The following EPHB2 variants were observed in gnomAD, a reference collection of about 807,000 sequenced individuals.
EPHB2 encodes EPH receptor B2.
A neutral mutation model predicts 96.4 loss-of-function variants in EPHB2; 18 were observed. That is an observed-to-expected ratio of 0.19 (90% confidence interval 0.13 to 0.28). EPHB2 has a LOEUF of 0.28. Among genes scored for constraint, EPHB2 ranks in the 10% least tolerant of loss-of-function variants. The probability of loss-of-function intolerance (pLI) is 1.00; values close to 1 mark genes in which losing one functional copy is unlikely to be tolerated. For missense variants in EPHB2, 989 were observed against 1,355.4 expected (o/e 0.73, Z 4.25); for synonymous variants, 506 against 534.1 (o/e 0.95, Z 0.72).
rs553677187 is a variant in EPHB2 at position 22,721,183 on chromosome 1, T to A, written c.61+10140T>A. Among the ~76,000 whole-genome samples the A allele has an allele frequency of 2.1e-4, 32 of 152,258 alleles. No homozygotes were observed. In the South Asian group the frequency reaches 6.6e-3, roughly 32 times the overall value. On this transcript the variant is annotated intron_variant, in intron 1 of 15. Coordinates refer to ENST00000374630, the MANE Select transcript of EPHB2 (RefSeq NM_017449.5). ...AGGCATGGGCCAGTTATTGTCAAAT[T>A]AAGTTTGGACCACAGGCTGGCCCCA...
At chr1:22,794,229 C>A (rs1170093306) in intron 3 of EPHB2, among the ~76,000 whole-genome samples, 2 of 152,138 alleles carry the variant, frequency 1.3e-5, no homozygotes, top group Admixed American at 1.3e-4. Context: ...AAAGAGGGGG[C>A]TGACCCTACT....
intron 1 of EPHB2, among the ~76,000 whole-genome samples, chr1:22,724,402 A>C (rs1399309488): frequency 6.6e-6 from 1 of 152,230 alleles, no homozygotes; most frequent in East Asian, 1.9e-4. Flanking sequence ...CCTGGCACAC[A>C]GTAGGACTTG....
At chr1:22,744,582 G>A (rs186097355) in intron 1 of EPHB2, among the ~76,000 whole-genome samples, 49 of 147,914 alleles carry the variant, frequency 3.3e-4, no homozygotes, top group Non-Finnish European at 6.1e-4. Flanking sequence ...GAGAGGCTCA[G>A]GCAGGAGGAT....
chr1:22,826,352 A>G (rs1218379668), intron 3 of EPHB2, among the ~76,000 whole-genome samples: 4 of 152,218 alleles, frequency 2.6e-5, no homozygotes, highest in African/African-American at 2.4e-5. Flanking sequence ...ACTTTCTGCA[A>G]CTGGGGTCTG....
chr1:22,803,258 A>G (rs977773277), intron 3 of EPHB2, among the ~76,000 whole-genome samples: 2 of 152,104 alleles, frequency 1.3e-5, no homozygotes, highest in Admixed American at 6.5e-5. Context: ...GTGAGGCTGC[A>G]CAGCTGCAGC....
chr1:22,793,723 C>T (rs1465889), intron 3 of EPHB2, among the ~76,000 whole-genome samples: 23,962 of 151,946 alleles, frequency 0.16, 2,643 homozygotes, highest in East Asian at 0.59. Flanking sequence ...ACCTGTGTGT[C>T]CCGCACTGTG....
At chr1:22,776,593 C>T (rs1391239015) in intron 1 of EPHB2, among the ~76,000 whole-genome samples, 1 of 152,198 alleles carries the variant, frequency 6.6e-6, no homozygotes, top group Non-Finnish European at 1.5e-5. Context: ...CCGTACTTTG[C>T]AGACAAACAT....
chr1:22,729,096 G>C (rs1290499234), intron 1 of EPHB2, among the ~76,000 whole-genome samples: 1 of 152,184 alleles, frequency 6.6e-6, no homozygotes, highest in East Asian at 1.9e-4. Context: ...TAGGATCACA[G>C]GGGGAGCTAC....
intron 5 of EPHB2, among the ~76,000 whole-genome samples, chr1:22,872,486 T>C (rs905071222): frequency 5.9e-5 from 9 of 152,202 alleles, no homozygotes; most frequent in Non-Finnish European, 1.0e-4. Context: ...GACGTGAACA[T>C]CTTTGGGGGG....
At chr1:22,777,245 C>T (rs1644465434) in intron 1 of EPHB2, among the ~76,000 whole-genome samples, 1 of 152,202 alleles carries the variant, frequency 6.6e-6, no homozygotes, top group Non-Finnish European at 1.5e-5. Context: ...CTACTCATAG[C>T]TAACTGGAGT....
intron 3 of EPHB2, among the ~76,000 whole-genome samples, chr1:22,853,818 A>G (rs3934847): frequency 0.049 from 7,460 of 152,300 alleles, 612 homozygotes; most frequent in African/African-American, 0.16. Context: ...CTCCCTGGGC[A>G]TGAGGGAGCC....
At chr1:22,910,624 C>T (rs765856875) in intron 14 of EPHB2, 49 bp downstream of exon 14, 221 of 1,562,102 alleles carry the variant, frequency 1.4e-4, no homozygotes, top group Non-Finnish European at 7.5e-5. Flanking sequence ...CCCCTCTTCC[C>T]GTCTCCCATC....
chr1:22,856,153 G>A (rs964575491), intron 3 of EPHB2, among the ~76,000 whole-genome samples: 1 of 152,188 alleles, frequency 6.6e-6, no homozygotes, highest in Admixed American at 6.5e-5. Context: ...GTCCCTGGGA[G>A]GAGAGGGGGG....
At position 22,914,093 on chromosome 1, in the gene EPHB2, C is replaced by T; in HGVS notation, c.*523C>T. The stretch of plus-strand genomic sequence containing the variant: ...AGGACGGGACAGATGGACAGACAGC[C>T]ACCCTGAGAACCCCTCTGGGAAAAT... On this transcript the variant is annotated 3_prime_UTR_variant, in exon 16 of 16. Transcript: ENST00000374630. 1 of 553,894 alleles carries T rather than the reference C, an allele frequency of 1.8e-6. No individual in the cohort carries two copies. Among genetic ancestry groups the T allele is most frequent in the Non-Finnish European group, 3.1e-6 (1 of 325,498 alleles). The allele number at this position is 553,894 out of a possible 1,614,324, so 34.3% of individuals were successfully genotyped here. A position where few individuals can be genotyped will look rare whatever the true frequency, so the allele number is the denominator to read the frequency against.
At chr1:22,748,544 G>A (rs1209673467) in intron 1 of EPHB2, among the ~76,000 whole-genome samples, 7 of 151,690 alleles carry the variant, frequency 4.6e-5, no homozygotes, top group African/African-American at 1.5e-4. Context: ...ATCATGCCCA[G>A]CTAATTTTTG....
intron 1 of EPHB2, among the ~76,000 whole-genome samples, chr1:22,752,050 C>T (rs1453228333): frequency 1.3e-5 from 2 of 152,222 alleles, no homozygotes; most frequent in East Asian, 3.8e-4. Flanking sequence ...GTCATTTCTC[C>T]ACTCCCAGCC....
intron 3 of EPHB2, among the ~76,000 whole-genome samples, chr1:22,803,878 C>T (rs1388755055): frequency 6.6e-6 from 1 of 150,446 alleles, no homozygotes; most frequent in Middle Eastern, 3.2e-3. Flanking sequence ...TGCACCAGTG[C>T]ACTCCAGCCT....
chr1:22,817,845 A>G (rs2148469753), intron 3 of EPHB2, among the ~76,000 whole-genome samples: 1 of 152,298 alleles, frequency 6.6e-6, no homozygotes, highest in South Asian at 2.1e-4. Context: ...CTGCATAGCC[A>G]TAGCCAAAGA....
At chr1:22,793,586 G>A (rs1644726475) in intron 3 of EPHB2, among the ~76,000 whole-genome samples, 1 of 152,212 alleles carries the variant, frequency 6.6e-6, no homozygotes. Context: ...AAGAGCAGAA[G>A]AAAGGTGTTC....
Sources: allele counts gnomAD v4.1 joint callset (sites outside exome capture counted in the v4.1 genomes callset), GRCh38; gene constraint gnomAD v4.1.1; transcripts MANE v1.5; gene names NCBI Gene and HGNC (gene_info 2026-07-23, HGNC 2026-07-21).